SNTG1: variants seen among roughly 807,000 people sequenced by gnomAD.
The protein encoded by SNTG1 is gamma-1-syntrophin.
Under a neutral mutation model 74.7 loss-of-function variants are expected in SNTG1, and 39 were observed. That is an observed-to-expected ratio of 0.52 (90% CI 0.40 to 0.68). The LOEUF is 0.68. SNTG1 is among the 30% of genes least tolerant of loss of function. The pLI, the probability that SNTG1 is intolerant of heterozygous loss-of-function variation, is 0.00. For synonymous variants in SNTG1, 254 were observed against 217.1 expected (o/e 1.17, Z -1.49); for missense variants, 685 against 609.5 (o/e 1.12, Z -1.30).
At chr8:50,084,903 G>C (rs1232293819) in intron 1 of SNTG1, among the ~76,000 whole-genome samples, 3 of 152,136 alleles carry the variant, frequency 2.0e-5, no homozygotes, top group African/African-American at 4.8e-5. Context: ...ACCAGATGTG[G>C]CCACTTGATC....
At chr8:50,080,152 T>C (rs1046081255) in intron 1 of SNTG1, among the ~76,000 whole-genome samples, 1 of 152,204 alleles carries the variant, frequency 6.6e-6, no homozygotes, top group African/African-American at 2.4e-5. Flanking sequence ...AAAAGTTTTA[T>C]TGTGGTTCCA....
At chr8:50,273,703 T>C (rs2087916861) in intron 2 of SNTG1, among the ~76,000 whole-genome samples, 2 of 152,052 alleles carry the variant, frequency 1.3e-5, no homozygotes, top group Admixed American at 6.6e-5. Context: ...GATAAGAGGG[T>C]TAACAATGGT....
At chr8:50,348,258 G>T (rs1350043874) in intron 2 of SNTG1, among the ~76,000 whole-genome samples, 1 of 152,124 alleles carries the variant, frequency 6.6e-6, no homozygotes, top group Non-Finnish European at 1.5e-5. Flanking sequence ...AATGAGGGGT[G>T]GTTGAGTGGT....
At chr8:50,734,946 G>T (rs57632655) in intron 17 of SNTG1, among the ~76,000 whole-genome samples, 1 of 101,904 alleles carries the variant, frequency 9.8e-6, no homozygotes, top group African/African-American at 4.7e-5. Context: ...GATATATATG[G>T]ACATATATAT....
chr8:50,273,470 A>AG (rs2087901399), intron 2 of SNTG1, among the ~76,000 whole-genome samples: 4 of 152,222 alleles, frequency 2.6e-5, no homozygotes, highest in Non-Finnish European at 4.4e-5. Context: ...TCTTGAGCTT[A>AG]TACTCAGGAA....
At position 50,272,905 on chromosome 8, in the gene SNTG1, T is replaced by TAA. The variant is rs3086115; in HGVS notation, c.-28+100286_-28+100287dup. Among the ~76,000 whole-genome samples the TAA allele has an allele frequency of 8.0e-3, 1,119 of 140,262 alleles. 31 individuals are homozygous for TAA. The highest frequency in any genetic ancestry group is 0.062 in the Admixed American group (850 of 13,800). The allele number at this position is 140,262 out of a possible 152,430, so 92.0% of individuals were successfully genotyped here. A position where few individuals can be genotyped will look rare whatever the true frequency, so the allele number is the denominator to read the frequency against. On this transcript the variant is annotated intron_variant, in intron 2 of 18. Transcript: ENST00000642720. ...GTGTGTGCCACCATGCCTGGATACT[T>TAA]AAAAAAAAAAAAAAAAATTCTAGAG...
chr8:50,631,584 C>T (rs965529133), intron 13 of SNTG1, among the ~76,000 whole-genome samples: 24 of 152,094 alleles, frequency 1.6e-4, no homozygotes, highest in East Asian at 5.8e-4. Context: ...TAGGCAAATT[C>T]GAGAAGGATA....
chr8:50,442,022 G>A (rs2093362300), intron 5 of SNTG1, among the ~76,000 whole-genome samples: 1 of 152,154 alleles, frequency 6.6e-6, no homozygotes, highest in South Asian at 2.1e-4. Context: ...AATGACGTAT[G>A]AGCACAATGT....
intron 11 of SNTG1, among the ~76,000 whole-genome samples, chr8:50,547,454 AG>A (rs1219126499): frequency 2.0e-5 from 3 of 152,180 alleles, no homozygotes; most frequent in African/African-American, 7.2e-5. Flanking sequence ...TCTTTGGAAA[AG>A]TCCACTCTTC....
chr8:50,459,884 A>G lies in SNTG1; in HGVS notation c.363+9155A>G, dbSNP rs549287927. 2.6e-5 allele frequency among the ~76,000 whole-genome samples: 4 copies of G among 152,342 alleles called. No individual in the cohort carries two copies. The South Asian group carries it at 8.3e-4, about 32-fold the overall frequency. On this transcript the variant is annotated intron_variant, in intron 8 of 18. Transcript: ENST00000642720. ...TGCCATATAACATTTCATGGTATAC[A>G]TGCACCACATTTTCTTTAATCTTCC... is the stretch of plus-strand genomic sequence containing the variant.
intron 2 of SNTG1, among the ~76,000 whole-genome samples, chr8:50,334,118 A>G (rs924572591): frequency 6.6e-6 from 1 of 152,114 alleles, no homozygotes; most frequent in Non-Finnish European, 1.5e-5. Context: ...GCTGGTCTAG[A>G]ACTCCTGACC....
chr8:50,362,961 C>A (rs947802959), intron 2 of SNTG1, among the ~76,000 whole-genome samples: 2 of 152,028 alleles, frequency 1.3e-5, no homozygotes, highest in Non-Finnish European at 2.9e-5. Flanking sequence ...GATGATTGCC[C>A]TGTGGGAAGA....
intron 1 of SNTG1, among the ~76,000 whole-genome samples, chr8:49,928,362 C>T (rs895748005): frequency 1.3e-5 from 2 of 151,412 alleles, no homozygotes; most frequent in Admixed American, 1.3e-4. Flanking sequence ...TCCCAGGTAG[C>T]TGGAACTACA....
intron 1 of SNTG1, among the ~76,000 whole-genome samples, chr8:49,917,517 C>G (rs536177915): frequency 7.7e-4 from 117 of 152,238 alleles, no homozygotes; most frequent in African/African-American, 2.6e-3. Context: ...AGTTAATGAG[C>G]AAATTGTATA....
chr8:50,779,964 G>A (rs1563831796), intron 18 of SNTG1, among the ~76,000 whole-genome samples: 1 of 152,140 alleles, frequency 6.6e-6, no homozygotes, highest in East Asian at 1.9e-4. Context: ...AGATAATCAT[G>A]TGGTTTTTGT....
At chr8:50,214,110 G>A (rs1312468880) in intron 2 of SNTG1, among the ~76,000 whole-genome samples, 1 of 151,730 alleles carries the variant, frequency 6.6e-6, no homozygotes, top group Non-Finnish European at 1.5e-5. Flanking sequence ...CCTTTGTAGG[G>A]ACATGGATGA....
intron 5 of SNTG1, among the ~76,000 whole-genome samples, chr8:50,446,411 C>T (rs145682191): frequency 5.0e-4 from 75 of 149,498 alleles, no homozygotes; most frequent in African/African-American, 1.7e-3. Context: ...TGCAGTGGCT[C>T]GTGCCTGTAA....
intron 13 of SNTG1, among the ~76,000 whole-genome samples, chr8:50,635,130 A>G (rs1417351010): frequency 6.6e-6 from 1 of 152,114 alleles, no homozygotes; most frequent in East Asian, 1.9e-4. Flanking sequence ...TTATCATCTC[A>G]AAGTCCAAAA....
intron 2 of SNTG1, among the ~76,000 whole-genome samples, chr8:50,379,923 G>C (rs1241341199): frequency 6.6e-6 from 1 of 152,166 alleles, no homozygotes; most frequent in Non-Finnish European, 1.5e-5. Context: ...GGCTTGATGT[G>C]TCCAGCTCCC....
Sources: allele counts gnomAD v4.1 joint callset (sites outside exome capture counted in the v4.1 genomes callset), GRCh38; gene constraint gnomAD v4.1.1; transcripts MANE v1.5; gene names NCBI Gene and HGNC (gene_info 2026-07-23, HGNC 2026-07-21).